The following HEATR9 variants were observed in gnomAD, a reference collection of about 807,000 sequenced individuals.
HEATR9 encodes the protein protein HEATR9.
A neutral mutation model predicts 68.2 loss-of-function variants in HEATR9; 54 were observed. The observed-to-expected ratio is 0.79, with a 90% CI of 0.64 to 0.99. The LOEUF (loss-of-function observed/expected upper bound fraction) is 0.99, where lower values mean the gene tolerates loss of function less well. Ranked by LOEUF, HEATR9 falls within the 50% of genes least tolerant of loss-of-function variation. The pLI is 0.00. For missense variants in HEATR9, 662 were observed against 679.7 expected, an observed-to-expected ratio of 0.97 and a Z score of 0.29; for synonymous variants, 241 against 253.5, an observed-to-expected ratio of 0.95 and a Z score of 0.47.
chr17:35,866,214 G>A (rs897908763), intron 2 of HEATR9, among the ~76,000 whole-genome samples: 1 of 151,266 alleles, frequency 6.6e-6, no homozygotes, highest in African/African-American at 2.4e-5. Context: ...GACTCACAGT[G>A]AGTAGGGTTG....
At chr17:35,861,863 G>A (rs575710843) in intron 8 of HEATR9, among the ~76,000 whole-genome samples, 1 of 142,618 alleles carries the variant, frequency 7.0e-6, no homozygotes, top group African/African-American at 2.6e-5. Flanking sequence ...CTTTTTCTTG[G>A]TTTTTTTTTT....
chr17:35,863,803 C>T lies in HEATR9; in HGVS notation c.568-244G>A. The T allele has an allele frequency of 5.1e-6, 3 of 584,318 alleles. No individual in the cohort carries two copies. In the South Asian group the frequency reaches 6.6e-5, roughly 13 times the overall value. The allele number at this position is 584,318 out of a possible 1,614,324, so 36.2% of individuals were successfully genotyped here. On this transcript the variant is annotated intron_variant, in intron 6 of 14. Transcript: ENST00000604834. ...TGTAGCCACTTGGCCCTGGGCAAGTCCCTTGGTCTCTCAGAGCTTTCATTT... is the reference window on the plus strand; with the variant it reads ...TGTAGCCACTTGGCCCTGGGCAAGTTCCTTGGTCTCTCAGAGCTTTCATTT...
At chr17:35,861,063 G>A in intron 8 of HEATR9, 3 of 858,252 alleles carry the variant, frequency 3.5e-6, no homozygotes, top group Non-Finnish European at 6.0e-6. Context: ...AAAAGAAATG[G>A]TTACAGAGAT....
chr17:35,858,307 C>G lies in HEATR9; in HGVS notation c.1045G>C (p.Ala349Pro). The change falls in exon 11 of 15, where the codon GCC (alanine) becomes CCC (proline). Residue 349 changes from alanine (A) to proline (P), a missense_variant. Transcript: ENST00000604834. Reference sequence around the variant, plus strand: ...CCAATGGTCTTGAGCATTTGGGTGGCTTCAAAGCGGTCCTGAGGTCGGGGG... The same window carrying G: ...CCAATGGTCTTGAGCATTTGGGTGGGTTCAAAGCGGTCCTGAGGTCGGGGG... The part of the protein sequence containing the change: ...SSSVLEDRFE[A>P]TQMLKTIGLE... 6.2e-7 allele frequency: 1 copy of G among 1,614,172 alleles called. No individual in the cohort carries two copies. Among genetic ancestry groups the G allele is most frequent in the Non-Finnish European group, 8.5e-7 (1 of 1,180,016 alleles).
intron 8 of HEATR9, among the ~76,000 whole-genome samples, chr17:35,862,785 C>T (rs902934816): frequency 7.9e-5 from 12 of 152,194 alleles, no homozygotes; most frequent in African/African-American, 2.7e-4. Flanking sequence ...TAAATACAAA[C>T]TGCAGCTCTG....
chr17:35,866,678 C>G lies in HEATR9; in HGVS notation c.138+46G>C, dbSNP rs180973238. On this transcript the variant is annotated intron_variant, in intron 2 of 14. Coordinates refer to ENST00000604834, the MANE Select transcript of HEATR9 (RefSeq NM_152781.4). ...GGGAAGGGATAGTTTGCTGCCCCTC[C>G]TAACTTTGATACAGCTCCCAGGGTA... 4 of 1,576,590 alleles carry G rather than the reference C, an allele frequency of 2.5e-6. No homozygotes were observed. The South Asian group carries it at 4.4e-5, about 17-fold the overall frequency.
Position 35,859,052 on chromosome 17 carries a change from C to T in HEATR9, c.775G>A (p.Glu259Lys). Residue 259 changes from glutamate (E) to lysine (K), a missense_variant, in exon 9 of 15, where the codon GAG becomes AAG. Transcript: ENST00000604834. ...SKDKRTQVGDEGKLVPVLQTL... is the reference protein window; with the variant it reads ...SKDKRTQVGDKGKLVPVLQTL... The stretch of plus-strand genomic sequence containing the variant: ...TGTAGTACAGGCACCAGCTTGCCCT[C>T]ATCCCCGACTTGAGTCCTCTGTGAG... The T allele has an allele frequency of 6.2e-7, 1 of 1,614,176 alleles. No individual in the cohort carries two copies. The highest frequency in any genetic ancestry group is 1.1e-5 in the South Asian group (1 of 91,082).
intron 6 of HEATR9, chr17:35,863,870 G>T (rs188491750): frequency 4.0e-5 from 22 of 550,232 alleles, no homozygotes; most frequent in African/African-American, 3.2e-4. Context: ...TGGTGTTGTT[G>T]TAAGAGTTAA....
rs554445351 is a variant in HEATR9 at position 35,855,653 on chromosome 17, G to A, written c.1365+11C>T. ...AGAAGAGGAAGAAGTGGGCAGGAAC[G>A]CCTTACTTACACTCTTCTTCACAGC... On this transcript the variant is annotated intron_variant, in intron 14 of 14. Transcript: ENST00000604834. 1.2e-5 allele frequency: 20 copies of A among 1,612,274 alleles called. No homozygotes were observed. Among genetic ancestry groups the A allele is most frequent in the East Asian group, 2.2e-5 (1 of 44,872 alleles).
intron 6 of HEATR9, 22 bp from the exon 7 acceptor site, chr17:35,863,581 A>G: frequency 3.1e-6 from 5 of 1,612,318 alleles, no homozygotes; most frequent in Non-Finnish European, 4.2e-6. Flanking sequence ...GGCGGGTGGT[A>G]GGAACATATA....
Position 35,864,690 on chromosome 17 carries a change from G to T in HEATR9, c.453+68C>A, listed in dbSNP as rs2088129247. 5.6e-6 allele frequency: 9 copies of T among 1,606,268 alleles called. No individual in the cohort carries two copies. In the South Asian group the frequency reaches 9.9e-5, roughly 18 times the overall value. ...GGCAAGGACTGAGGGCTGAAGGATG[G>T]TGTGAGCCCAAGGGAAGGGCACCCA... is the stretch of plus-strand genomic sequence containing the variant. On this transcript the variant is annotated intron_variant, in intron 4 of 14. Transcript: ENST00000604834.
chr17:35,859,104 C>G, intron 8 of HEATR9, 34 bp from the exon 9 acceptor site: 1 of 1,586,438 alleles, frequency 6.3e-7, no homozygotes, highest in Non-Finnish European at 8.6e-7. Flanking sequence ...AGGGGAGGGG[C>G]TATGTACTTT....
At chr17:35,863,384 C>G (rs1340484667) in intron 7 of HEATR9, 118 bp downstream of exon 7, 1 of 1,160,794 alleles carries the variant, frequency 8.6e-7, no homozygotes, top group African/African-American at 1.5e-5. Flanking sequence ...GGATAGTTCT[C>G]AGGCCTTGCC....
Position 35,858,436 on chromosome 17 carries a change from A to G in HEATR9, c.1029T>C (p.Leu343=), listed in dbSNP as rs533034638. The G allele has an allele frequency of 5.6e-6, 9 of 1,613,542 alleles. No homozygotes were observed. In the East Asian group the frequency reaches 1.6e-4, roughly 28 times the overall value. ...GTTCAGGCAGTCCAGAGCTTACCTC[A>G]AGGACACTGGAAGAACACAGCTGGT... The part of the protein sequence containing the change: ...ILDQLCSSSV[L]EDRFEATQML... The change falls in exon 10 of 15, where the codon CTT becomes CTC. Residue 343 remains leucine, a synonymous_variant. Transcript: ENST00000604834.
In HEATR9 at chr17:35,865,056, C is replaced by T. The variant is rs534305544; in HGVS notation, c.320+159G>A. Among the ~76,000 whole-genome samples, 16 of 152,150 alleles carry T rather than the reference C, an allele frequency of 1.1e-4. No homozygotes were observed. The South Asian group carries it at 2.1e-3, about 20-fold the overall frequency. Reference sequence around the variant, plus strand: ...CAGAGCCGAGCCGAGCCGAGCCGGCCGAGCCAGATGGAGCTGAGCCAAGCC... The same window carrying T: ...CAGAGCCGAGCCGAGCCGAGCCGGCTGAGCCAGATGGAGCTGAGCCAAGCC... On this transcript the variant is annotated intron_variant, in intron 3 of 14. Transcript: ENST00000604834.
chr17:35,866,668 G>T, intron 2 of HEATR9, 56 bp downstream of exon 2: 1 of 1,503,084 alleles, frequency 6.7e-7, no homozygotes, highest in Non-Finnish European at 9.3e-7. Context: ...GGGATAGTTT[G>T]CTGCCCCTCC....
chr17:35,865,990 T>G (rs913657213), intron 2 of HEATR9, among the ~76,000 whole-genome samples: 2 of 152,210 alleles, frequency 1.3e-5, no homozygotes, highest in African/African-American at 4.8e-5. Flanking sequence ...AAACTACCGC[T>G]GTCACTGTAA....
At chr17:35,855,822 G>T in intron 13 of HEATR9, 72 bp from the exon 14 acceptor site, 1 of 1,276,726 alleles carries the variant, frequency 7.8e-7, no homozygotes, top group Non-Finnish European at 1.1e-6. Flanking sequence ...TCCCATTCTA[G>T]CCCCTTTGTG....
rs772329265 is a variant in HEATR9 at position 35,860,479 on chromosome 17, T to TTTTA, written c.757-1413_757-1410dup. Among the ~76,000 whole-genome samples, 431 of 94,132 alleles carry TTTTA rather than the reference T, an allele frequency of 4.6e-3. 2 individuals carry two copies. The highest frequency in any genetic ancestry group is 8.7e-3 in the Admixed American group (83 of 9,590). The allele number at this position is 94,132 out of a possible 152,430, so 61.8% of individuals were successfully genotyped here. A position where few individuals can be genotyped will look rare whatever the true frequency, so the allele number is the denominator to read the frequency against. ...ATTTATTTATTTATTTATTTATTTATTTTATTTATTTATTTATTTATTTAT... is the reference window on the plus strand; with the variant it reads ...ATTTATTTATTTATTTATTTATTTATTTTATTTATTTATTTATTTATTTATTTAT... On this transcript the variant is annotated intron_variant, in intron 8 of 14. Coordinates refer to ENST00000604834, the MANE Select transcript of HEATR9 (RefSeq NM_152781.4).
Sources: gnomAD v4.1 joint callset for allele counts (sites outside exome capture counted in the v4.1 genomes callset) on GRCh38, gnomAD v4.1.1 for gene constraint, MANE v1.5 for transcripts, NCBI Gene and HGNC (gene_info 2026-07-23, HGNC 2026-07-21) for gene names.